Variants in CAPN13 observed in about 807,000 individuals in gnomAD.
CAPN13 encodes the protein calpain 13.
Under a neutral mutation model 98.4 loss-of-function variants are expected in CAPN13, and 90 were observed. The observed-to-expected ratio is 0.92, with a 90% confidence interval of 0.77 to 1.09. The LOEUF (loss-of-function observed/expected upper bound fraction) is 1.09, where lower values mean the gene tolerates loss of function less well. CAPN13 is among the 50% of genes least tolerant of loss of function. The pLI is 0.00. For missense variants in CAPN13, 887 were observed against 841.3 expected (o/e 1.05, Z -0.67); for synonymous variants, 330 against 305.5 (o/e 1.08, Z -0.84).
rs779788854 is a variant in CAPN13 at position 30,758,107 on chromosome 2, T to C, written c.805A>G (p.Ile269Val). 9.3e-6 allele frequency: 15 copies of C among 1,608,806 alleles called. No individual in the cohort carries two copies. Among genetic ancestry groups the C allele is most frequent in the Middle Eastern group, 1.6e-4 (1 of 6,078 alleles). ...CAGCCCCAGGGGTTCCACAGGGAGATAATTTCTTCCCAGCCCCTTCGGTAT... is the reference window on the plus strand; with the variant it reads ...CAGCCCCAGGGGTTCCACAGGGAGACAATTTCTTCCCAGCCCCTTCGGTAT... The part of the protein sequence containing the change: ...IQYRRGWEEI[I>V]SLWNPWGWGE... The change falls in exon 8 of 23, where the codon ATC becomes GTC. Residue 269 changes from isoleucine (I) to valine (V), a missense_variant. By Grantham distance (29) the Ile-to-Val change is conservative. Coordinates refer to ENST00000295055, the MANE Select transcript of CAPN13 (RefSeq NM_144575.3).
chr2:30,743,372 G>A lies in CAPN13; in HGVS notation c.1445+11C>T, dbSNP rs1428304088. On this transcript the variant is annotated intron_variant, in intron 13 of 22. Transcript: ENST00000295055. ...AGAATAAAACATTTACAATCCCAGA[G>A]GGTTCTGTACCTGTCACTGTCTGGC... 9.3e-6 allele frequency: 15 copies of A among 1,605,420 alleles called. No individual in the cohort carries two copies. The highest frequency in any genetic ancestry group is 1.3e-5 in the African/African-American group (1 of 74,844).
At position 30,772,056 on chromosome 2, in the gene CAPN13, T is replaced by C. The variant is rs75032031; in HGVS notation, c.388-1607A>G. 8.2e-3 allele frequency among the ~76,000 whole-genome samples: 1,246 copies of C among 152,262 alleles called. 15 individuals are homozygous for C. The highest frequency in any genetic ancestry group is 0.029 in the African/African-American group (1,190 of 41,526). ...GTTAGTTCATCTTAAAAATAACTCTTCGCCCTATCTTCCCACACCAGTAAT... is the reference window on the plus strand; with the variant it reads ...GTTAGTTCATCTTAAAAATAACTCTCCGCCCTATCTTCCCACACCAGTAAT... On this transcript the variant is annotated intron_variant, in intron 4 of 22. Transcript: ENST00000295055.
At chr2:30,736,650 G>T in intron 17 of CAPN13, 79 bp from the exon 18 acceptor site, 1 of 1,328,378 alleles carries the variant, frequency 7.5e-7, no homozygotes, top group Non-Finnish European at 1.1e-6. Flanking sequence ...AGCCAGAGCA[G>T]GCCCATTCAT....
At chr2:30,735,459 G>A (rs910160127) in intron 18 of CAPN13, among the ~76,000 whole-genome samples, 8 of 152,234 alleles carry the variant, frequency 5.3e-5, no homozygotes, top group African/African-American at 1.7e-4. Context: ...TTTGGTGAGT[G>A]CAAGGACAGA....
At chr2:30,759,479 G>C (rs1672713025) in intron 7 of CAPN13, among the ~76,000 whole-genome samples, 1 of 152,308 alleles carries the variant, frequency 6.6e-6, no homozygotes, top group Admixed American at 6.5e-5. Flanking sequence ...ATCAATCTGT[G>C]CTAATGTTGT....
intron 1 of CAPN13, among the ~76,000 whole-genome samples, chr2:30,790,438 A>G (rs1004557782): frequency 2.0e-5 from 3 of 152,234 alleles, no homozygotes; most frequent in African/African-American, 7.2e-5. Context: ...AAGGAGAGCT[A>G]GAAACATCAC....
rs751743256 is a variant in CAPN13 at position 30,745,800 on chromosome 2, G to A, written c.1237-66C>T. 1.9e-5 allele frequency: 27 copies of A among 1,424,138 alleles called. 1 individual carries two copies. The highest frequency in any genetic ancestry group is 1.5e-4 in the South Asian group (12 of 81,916). The allele number at this position is 1,424,138 out of a possible 1,614,324, so 88.2% of individuals were successfully genotyped here. ...CGTAAACAAAAAGGCAAGCAGAACC[G>A]AACAGCTTGGCTCATTGGTTTCATC... is the stretch of plus-strand genomic sequence containing the variant. On this transcript the variant is annotated intron_variant, in intron 11 of 22. Coordinates refer to ENST00000295055, the MANE Select transcript of CAPN13 (RefSeq NM_144575.3).
intron 2 of CAPN13, among the ~76,000 whole-genome samples, chr2:30,779,107 C>T (rs902504709): frequency 1.3e-5 from 2 of 152,202 alleles, no homozygotes; most frequent in Non-Finnish European, 2.9e-5. Context: ...GAGATGGAGG[C>T]TGTGGCATTT....
intron 11 of CAPN13, among the ~76,000 whole-genome samples, chr2:30,750,684 C>T (rs899960468): frequency 2.0e-5 from 3 of 152,190 alleles, no homozygotes; most frequent in African/African-American, 4.8e-5. Flanking sequence ...GATTCTCAAA[C>T]TTTAATGTGC....
intron 15 of CAPN13, among the ~76,000 whole-genome samples, chr2:30,741,185 T>C (rs1671634764): frequency 6.6e-6 from 1 of 152,286 alleles, no homozygotes; most frequent in African/African-American, 2.4e-5. Context: ...ATGCCACTCA[T>C]TCCAGCCACA....
At chr2:30,754,749 A>G (rs1197019626) in intron 8 of CAPN13, among the ~76,000 whole-genome samples, 8 of 152,032 alleles carry the variant, frequency 5.3e-5, no homozygotes, top group Non-Finnish European at 1.2e-4. Context: ...GCATTCATTG[A>G]TTGATCCTAC....
At chr2:30,801,099 C>T (rs1218149870) in intron 1 of CAPN13, among the ~76,000 whole-genome samples, 1 of 152,142 alleles carries the variant, frequency 6.6e-6, no homozygotes, top group Non-Finnish European at 1.5e-5. Flanking sequence ...GTCTTGAGAG[C>T]CGCTGTTTCA....
chr2:30,780,015 T>C (rs1673906551), intron 2 of CAPN13, among the ~76,000 whole-genome samples: 1 of 152,194 alleles, frequency 6.6e-6, no homozygotes, highest in African/African-American at 2.4e-5. Flanking sequence ...TGATGTAGAA[T>C]TCTATGCCAA....
At chr2:30,803,984 G>A (rs554997556) in intron 1 of CAPN13, among the ~76,000 whole-genome samples, 1 of 152,314 alleles carries the variant, frequency 6.6e-6, no homozygotes, top group Non-Finnish European at 1.5e-5. Flanking sequence ...AGCTTCTCAT[G>A]CACCCCCACA....
chr2:30,738,107 T>A, intron 17 of CAPN13, 128 bp downstream of exon 17: 4 of 945,646 alleles, frequency 4.2e-6, no homozygotes, highest in Non-Finnish European at 6.7e-6. Context: ...CCCCAGAAAC[T>A]CAAGGACAGG....
intron 4 of CAPN13, among the ~76,000 whole-genome samples, chr2:30,774,824 A>C (rs977028565): frequency 6.6e-6 from 1 of 152,218 alleles, no homozygotes; most frequent in Non-Finnish European, 1.5e-5. Flanking sequence ...AGCAGAACTT[A>C]AACATGATAA....
chr2:30,744,808 C>CT (rs1348978633), intron 12 of CAPN13, among the ~76,000 whole-genome samples: 1 of 152,194 alleles, frequency 6.6e-6, no homozygotes, highest in African/African-American at 2.4e-5. Context: ...ATGCACAGAC[C>CT]TGACTCTAGT....
chr2:30,772,862 A>T (rs1673481278), intron 4 of CAPN13, among the ~76,000 whole-genome samples: 1 of 149,584 alleles, frequency 6.7e-6, no homozygotes, highest in South Asian at 2.1e-4. Context: ...CCCTGTTGCC[A>T]GGCTGGAGTG....
At chr2:30,776,157 AT>A (rs5830184) in intron 3 of CAPN13, 112 bp from the exon 4 acceptor site, 243,120 of 593,348 alleles carry the variant, frequency 0.41, 53,505 homozygotes, top group African/African-American at 0.63. Context: ...TAAATAATGC[AT>A]TTTTTTTTCC....
Sources: gnomAD v4.1 joint callset for allele counts (sites outside exome capture counted in the v4.1 genomes callset) on GRCh38, gnomAD v4.1.1 for gene constraint, MANE v1.5 for transcripts, NCBI Gene and HGNC (gene_info 2026-07-23, HGNC 2026-07-21) for gene names.